Variants in CSGALNACT1 observed in about 807,000 individuals in gnomAD.
CSGALNACT1 encodes beta4GalNAcT-1.
Under a neutral mutation model 51.0 loss-of-function variants are expected in CSGALNACT1, and 52 were observed. The ratio of observed to expected loss-of-function variants is 1.02; its 90% CI spans 0.82 to 1.29. The LOEUF is 1.29. Among genes scored for constraint, CSGALNACT1 ranks in the 50% most tolerant of loss-of-function variants. CSGALNACT1 has a pLI of 0.00. For missense variants in CSGALNACT1, 935 were observed against 679.2 expected (o/e 1.38, Z -4.19); for synonymous variants, 341 against 254.4 (o/e 1.34, Z -3.24).
chr8:19,432,548 A>C (rs1376579055), intron 6 of CSGALNACT1, among the ~76,000 whole-genome samples: 1 of 152,134 alleles, frequency 6.6e-6, no homozygotes, highest in Non-Finnish European at 1.5e-5. Flanking sequence ...CTTGACTCCC[A>C]TTATTCATAT....
intron 6 of CSGALNACT1, among the ~76,000 whole-genome samples, chr8:19,424,305 A>C (rs1475706823): frequency 6.6e-6 from 1 of 152,090 alleles, no homozygotes; most frequent in Non-Finnish European, 1.5e-5. Context: ...CTGCCAGGTC[A>C]TTATGCTCAG....
intron 6 of CSGALNACT1, among the ~76,000 whole-genome samples, chr8:19,430,429 T>A (rs921052024): frequency 3.3e-5 from 5 of 152,220 alleles, no homozygotes; most frequent in African/African-American, 9.6e-5. Flanking sequence ...TCTCTGCACA[T>A]GAATATCCAG....
chr8:19,454,986 G>A (rs1438247914), intron 5 of CSGALNACT1, among the ~76,000 whole-genome samples: 1 of 152,166 alleles, frequency 6.6e-6, no homozygotes, highest in Non-Finnish European at 1.5e-5. Context: ...GAAATAGAAT[G>A]TATAGTATAT....
intron 5 of CSGALNACT1, among the ~76,000 whole-genome samples, chr8:19,449,045 C>A (rs2062625792): frequency 6.6e-6 from 1 of 152,044 alleles, no homozygotes; most frequent in Non-Finnish European, 1.5e-5. Flanking sequence ...TATTCTATTC[C>A]ATCATTTGAG....
intron 6 of CSGALNACT1, among the ~76,000 whole-genome samples, chr8:19,424,285 C>G (rs1172442538): frequency 1.3e-5 from 2 of 152,132 alleles, no homozygotes; most frequent in Admixed American, 6.5e-5. Flanking sequence ...ATCTGTGTTT[C>G]CCAGGGTGGC....
intron 5 of CSGALNACT1, among the ~76,000 whole-genome samples, chr8:19,450,788 TAGCCCCAGCTACTCAGG>T (rs1366430021): frequency 3.3e-5 from 5 of 151,910 alleles, no homozygotes; most frequent in African/African-American, 4.8e-5. Context: ...CATGCATCCG[TAGCCCCAGCTACTCAGG>T]AGTCTGAGGG....
intron 1 of CSGALNACT1, among the ~76,000 whole-genome samples, chr8:19,691,795 C>G (rs1034797787): frequency 2.0e-5 from 3 of 152,168 alleles, no homozygotes; most frequent in Non-Finnish European, 4.4e-5. Context: ...TAGTGATTCT[C>G]CAAGTGTGTC....
chr8:19,626,601 GT>G lies in CSGALNACT1; in HGVS notation c.-543-24737del, dbSNP rs564951211. On this transcript the variant is annotated intron_variant, in intron 1 of 9. Transcript: ENST00000332246. ...AAAAATTTCAATTCATTATAAATTT[GT>G]TTTCCACAAAGTATCTTGGGAATAG... Among the ~76,000 whole-genome samples the G allele has an allele frequency of 3.1e-3, 478 of 152,310 alleles. 3 individuals are homozygous for G. The highest frequency in any genetic ancestry group is 0.011 in the African/African-American group (464 of 41,580).
At chr8:19,589,546 G>C (rs1306850760) in intron 3 of CSGALNACT1, among the ~76,000 whole-genome samples, 1 of 152,138 alleles carries the variant, frequency 6.6e-6, no homozygotes, top group African/African-American at 2.4e-5. Flanking sequence ...GGCCAAGCTG[G>C]TCTTGAACTC....
intron 1 of CSGALNACT1, among the ~76,000 whole-genome samples, chr8:19,751,873 T>C (rs1007997091): frequency 6.6e-6 from 1 of 152,144 alleles, no homozygotes; most frequent in Admixed American, 6.5e-5. Context: ...ATGCCCCCTG[T>C]GCAACCTTTG....
intron 1 of CSGALNACT1, among the ~76,000 whole-genome samples, chr8:19,659,014 CTAAG>C (rs1564367157): frequency 6.6e-6 from 1 of 152,134 alleles, no homozygotes; most frequent in Admixed American, 6.6e-5. Flanking sequence ...TCCCAGTCAT[CTAAG>C]TAATGAAATC....
At chr8:19,581,667 A>C (rs1239700411) in intron 3 of CSGALNACT1, among the ~76,000 whole-genome samples, 1 of 152,188 alleles carries the variant, frequency 6.6e-6, no homozygotes, top group African/African-American at 2.4e-5. Flanking sequence ...TTTTAATTGA[A>C]GTCTGGGCTT....
At chr8:19,577,887 A>G (rs1388755013) in intron 3 of CSGALNACT1, among the ~76,000 whole-genome samples, 1 of 152,182 alleles carries the variant, frequency 6.6e-6, no homozygotes, top group African/African-American at 2.4e-5. Context: ...GAGCCAAACT[A>G]TTGGCATCAC....
chr8:19,499,193 G>A (rs145927183), intron 4 of CSGALNACT1, among the ~76,000 whole-genome samples: 1 of 152,256 alleles, frequency 6.6e-6, no homozygotes, highest in African/African-American at 2.4e-5. Context: ...TATCTTCTAG[G>A]AAGCCTGTCC....
chr8:19,437,682 T>C (rs185259247), intron 6 of CSGALNACT1, among the ~76,000 whole-genome samples: 3 of 152,290 alleles, frequency 2.0e-5, no homozygotes, highest in Non-Finnish European at 4.4e-5. Flanking sequence ...ATACAACTAA[T>C]ACATATACCA....
intron 5 of CSGALNACT1, among the ~76,000 whole-genome samples, chr8:19,451,491 C>T (rs1767171126): frequency 6.6e-6 from 1 of 152,174 alleles, no homozygotes; most frequent in Non-Finnish European, 1.5e-5. Context: ...TAACTTAGTG[C>T]ACACACTGTG....
chr8:19,667,715 T>A (rs774758268), intron 1 of CSGALNACT1, among the ~76,000 whole-genome samples: 1 of 152,190 alleles, frequency 6.6e-6, no homozygotes, highest in Non-Finnish European at 1.5e-5. Flanking sequence ...CAAAGGTCAT[T>A]TGCTGCTTCG....
At chr8:19,530,557 T>A (rs901555335) in intron 3 of CSGALNACT1, among the ~76,000 whole-genome samples, 3 of 152,094 alleles carry the variant, frequency 2.0e-5, no homozygotes, top group Non-Finnish European at 2.9e-5. Flanking sequence ...GTAAAACCGA[T>A]AGCACAGCAG....
intron 4 of CSGALNACT1, among the ~76,000 whole-genome samples, chr8:19,476,942 G>T (rs890280964): frequency 6.6e-6 from 1 of 152,160 alleles, no homozygotes; most frequent in African/African-American, 2.4e-5. Context: ...GCTGGGGCAG[G>T]GACAAGCCAT....
Sources: allele counts gnomAD v4.1 joint callset (sites outside exome capture counted in the v4.1 genomes callset), GRCh38; gene constraint gnomAD v4.1.1; transcripts MANE v1.5; gene names NCBI Gene and HGNC (gene_info 2026-07-23, HGNC 2026-07-21).